The following ECT2 variants were observed in gnomAD, a reference collection of about 807,000 sequenced individuals.
The protein encoded by ECT2 is protein ECT2.
Under a neutral mutation model 116.9 loss-of-function variants are expected in ECT2, and 61 were observed. The observed-to-expected ratio is 0.52, with a 90% CI of 0.42 to 0.65. The LOEUF is 0.65. ECT2 is among the 30% of genes least tolerant of loss of function. ECT2 has a pLI of 0.00. For synonymous variants in ECT2, 358 were observed against 346.4 expected, an observed-to-expected ratio of 1.03 and a Z score of -0.37; for missense variants, 937 against 1,078.7, an observed-to-expected ratio of 0.87 and a Z score of 1.84.
chr3:172,783,438 T>G (rs1293600796), intron 15 of ECT2, among the ~76,000 whole-genome samples: 5 of 152,172 alleles, frequency 3.3e-5, no homozygotes, highest in Non-Finnish European at 5.9e-5. Flanking sequence ...GCGGTTTGGA[T>G]TTTTGAATAA....
chr3:172,760,072 C>T, intron 6 of ECT2, 84 bp from the exon 7 acceptor site: 1 of 729,080 alleles, frequency 1.4e-6, no homozygotes, highest in East Asian at 3.0e-5. Context: ...AAGTATTTAG[C>T]AAATGCTAAA....
rs1384135433 is a variant in ECT2, at chr3:172,815,664, A to G, written c.2461A>G (p.Ser821Gly). 2 of 1,606,026 alleles carry G rather than the reference A, an allele frequency of 1.2e-6. No homozygotes were observed. The highest frequency in any genetic ancestry group is 1.3e-5 in the African/African-American group (1 of 74,570). ...SFEVNTKDMD[S>G]TLSRASRAIK... ...TGAAGTAAATACAAAAGATATGGAC[A>G]GTACATTGAGTAGAGCATCAAGAGC... Residue 821 changes from serine (S) to glycine (G), a missense_variant, in exon 23 of 25, where the codon AGT becomes GGT. Physicochemically the swap from Ser to Gly is moderately conservative, Grantham distance 56. Coordinates refer to ENST00000392692, the MANE Select transcript of ECT2 (RefSeq NM_001258315.2).
At chr3:172,810,259 T>G (rs1348330806) in intron 22 of ECT2, among the ~76,000 whole-genome samples, 1 of 152,168 alleles carries the variant, frequency 6.6e-6, no homozygotes, top group African/African-American at 2.4e-5. Flanking sequence ...TTAGTACTTT[T>G]GCCGCTACCT....
intron 1 of ECT2, 102 bp from the exon 2 acceptor site, chr3:172,754,407 G>T (rs1344330811): frequency 1.2e-6 from 1 of 828,578 alleles, no homozygotes; most frequent in Non-Finnish European, 1.8e-6. Flanking sequence ...AAAAAAATGG[G>T]TAATAATACT....
In ECT2 at chr3:172,766,090, T is replaced by C. The variant is rs149690753; in HGVS notation, c.1291+1590T>C. 3.3e-4 allele frequency among the ~76,000 whole-genome samples: 51 copies of C among 152,360 alleles called. No homozygotes were observed. In the East Asian group the frequency reaches 9.4e-3, roughly 28 times the overall value. ...TAAGAGAAAATGAACCTTGTCTGTC[T>C]TATTCTGTGTTTATCCTCAGACCCT... is the stretch of plus-strand genomic sequence containing the variant. On this transcript the variant is annotated intron_variant, in intron 12 of 24. Coordinates refer to ENST00000392692, the MANE Select transcript of ECT2 (RefSeq NM_001258315.2).
At position 172,788,100 on chromosome 3, in the gene ECT2, A is replaced by ATGC. The variant is rs574924094; in HGVS notation, c.1907+1529_1907+1531dup. 1.8e-3 allele frequency among the ~76,000 whole-genome samples: 269 copies of ATGC among 152,296 alleles called. 5 individuals carry two copies. Among genetic ancestry groups the ATGC allele is most frequent in the African/African-American group, 6.3e-3 (261 of 41,552 alleles). On this transcript the variant is annotated intron_variant, in intron 18 of 24. Transcript: ENST00000392692. Reference sequence around the variant, plus strand: ...CCTGATATTTTAATGTCGAATTGTGATGCTGATTAATAAGCCTTATAGAAT... The same window carrying ATGC: ...CCTGATATTTTAATGTCGAATTGTGATGCTGCTGATTAATAAGCCTTATAGAAT...
rs553117177 is a variant in ECT2, at chr3:172,807,789, C to T, written c.2265C>T (p.Ala755=). 6.6e-5 allele frequency: 107 copies of T among 1,612,886 alleles called. No individual in the cohort carries two copies. Among genetic ancestry groups the T allele is most frequent in the Admixed American group, 2.7e-4 (16 of 59,786 alleles). The part of the protein sequence containing the change: ...RETEDCHNAF[A]LLVRPPTEQA... Reference sequence around the variant, plus strand: ...CCCTAGATTGCCATAATGCTTTTGCCTTGCTTGTGAGGCCACCAACAGAGC... The same window carrying T: ...CCCTAGATTGCCATAATGCTTTTGCTTTGCTTGTGAGGCCACCAACAGAGC... Residue 755 remains alanine (A), a synonymous_variant, in exon 22 of 25, where the codon GCC becomes GCT. Transcript: ENST00000392692.
intron 8 of ECT2, 56 bp downstream of exon 8, chr3:172,761,739 G>A (rs1175451544): frequency 3.1e-6 from 4 of 1,273,080 alleles, no homozygotes; most frequent in African/African-American, 3.0e-5. Flanking sequence ...CTGGTTTAAA[G>A]ATAAATCCAT....
Position 172,757,061 on chromosome 3 carries a change from T to G in ECT2, c.382T>G (p.Phe128Val), listed in dbSNP as rs561466809. The change falls in exon 5 of 25, where the codon TTT (phenylalanine) becomes GTT (valine). Residue 128 changes from phenylalanine to valine, a missense_variant. Transcript: ENST00000392692. ...GLDSPEFENV[F>V]VVTDFQDSVF... ...GGATTCTCCGGAATTTGAAAATGTA[T>G]TTGTAGTCACGGACTTTCAGGATTC... 4 of 1,611,492 alleles carry G rather than the reference T, an allele frequency of 2.5e-6. No homozygotes were observed. Among genetic ancestry groups the G allele is most frequent in the Non-Finnish European group, 3.4e-6 (4 of 1,179,098 alleles).
In ECT2 at chr3:172,821,081, C is replaced by G. The variant is rs1028983794; in HGVS notation, c.*844C>G. 3 of 151,804 alleles carry G rather than the reference C, an allele frequency of 2.0e-5. No homozygotes were observed. The highest frequency in any genetic ancestry group is 7.2e-5 in the African/African-American group (3 of 41,396). 9.4% of individuals were successfully genotyped at this position (151,804 alleles called of 1,614,324 possible). A position where few individuals can be genotyped will look rare whatever the true frequency, so the allele number is the denominator to read the frequency against. ...TGTTTGTACCCTTCATGAAATAATT[C>G]TGAAGTTGCCATCAGTTTTACTAAT... is the stretch of plus-strand genomic sequence containing the variant. On this transcript the variant is annotated 3_prime_UTR_variant, in exon 25 of 25. Coordinates refer to ENST00000392692, the MANE Select transcript of ECT2 (RefSeq NM_001258315.2).
intron 1 of ECT2, among the ~76,000 whole-genome samples, chr3:172,754,251 TG>T (rs964666271): frequency 1.3e-4 from 20 of 152,028 alleles, no homozygotes; most frequent in Admixed American, 1.3e-3. Context: ...TACAGTTGAG[TG>T]TTTGTTGTAT....
chr3:172,800,082 G>A (rs59592631), intron 18 of ECT2, among the ~76,000 whole-genome samples: 9,322 of 152,218 alleles, frequency 0.061, 962 homozygotes, highest in African/African-American at 0.21. Flanking sequence ...CTACCTTCAA[G>A]ATGATTGATT....
At position 172,820,212 on chromosome 3, in the gene ECT2, G is replaced by T. The variant is rs1263409677; in HGVS notation, c.2720G>T (p.Ser907Ile). 1 of 1,609,404 alleles carries T rather than the reference G, an allele frequency of 6.2e-7. No individual in the cohort carries two copies. Among genetic ancestry groups the T allele is most frequent in the Non-Finnish European group, 8.5e-7 (1 of 1,177,300 alleles). Residue 907 changes from serine (S) to isoleucine (I), a missense_variant, in exon 25 of 25, where the codon AGT (serine) becomes ATT (isoleucine). Coordinates refer to ENST00000392692, the MANE Select transcript of ECT2 (RefSeq NM_001258315.2). Reference sequence around the variant, plus strand: ...TTTGAAAGGAGAAGTCATACGTTAAGTAGATCTACAACTCATTTGATATGA... The same window carrying T: ...TTTGAAAGGAGAAGTCATACGTTAATTAGATCTACAACTCATTTGATATGA... ...SFFERRSHTLSRSTTHLI is the reference protein window; with the variant it reads ...SFFERRSHTLIRSTTHLI
intron 12 of ECT2, among the ~76,000 whole-genome samples, chr3:172,768,590 T>C (rs188524546): frequency 7.8e-4 from 119 of 152,334 alleles, no homozygotes; most frequent in Non-Finnish European, 1.3e-3. Flanking sequence ...AACTGTTTTG[T>C]AGACTTCAGA....
At chr3:172,827,824 A>G in the ECT2 span, among the ~76,000 whole-genome samples, 9,438 of 152,252 alleles carry the variant, frequency 0.062, 981 homozygotes, top group African/African-American at 0.22. Flanking sequence ...CCATTTTGGG[A>G]TTGGTGTTTT....
chr3:172,798,808 CTCTT>C (rs1441806060), intron 18 of ECT2, among the ~76,000 whole-genome samples: 3 of 152,130 alleles, frequency 2.0e-5, no homozygotes, highest in Non-Finnish European at 2.9e-5. Context: ...AATCTGCTCT[CTCTT>C]TATAGCAGAA....
chr3:172,753,969 T>C lies in ECT2; in HGVS notation c.-22-540T>C, dbSNP rs139231913. ...GAGTGATTTCTAAGGAAACTGATGGTAAAGTTGTGTGGAGCTGGTTTATTA... is the reference window on the plus strand; with the variant it reads ...GAGTGATTTCTAAGGAAACTGATGGCAAAGTTGTGTGGAGCTGGTTTATTA... On this transcript the variant is annotated intron_variant, in intron 1 of 24. Coordinates refer to ENST00000392692, the MANE Select transcript of ECT2 (RefSeq NM_001258315.2). Among the ~76,000 whole-genome samples, 114 of 152,280 alleles carry C rather than the reference T, an allele frequency of 7.5e-4. 1 individual carries two copies. The highest frequency in any genetic ancestry group is 2.6e-3 in the African/African-American group (108 of 41,560).
chr3:172,806,477 A>G (rs1467983114), intron 21 of ECT2, among the ~76,000 whole-genome samples: 1 of 151,788 alleles, frequency 6.6e-6, no homozygotes, highest in African/African-American at 2.4e-5. Flanking sequence ...TTTAATTGAC[A>G]CCCAGTGGTG....
chr3:172,783,788 TTTC>T lies in ECT2; in HGVS notation c.1618-7_1618-5del. On this transcript the variant is annotated splice_region_variant and splice_polypyrimidine_tract_variant and intron_variant, in intron 15 of 24. Transcript: ENST00000392692. ...CATAATAAATAATGTTTTTTTCCCT[TTTC>T]TTCCTAGTCAAAAGATTTGGTAAAA... The T allele has an allele frequency of 6.5e-7, 1 of 1,534,128 alleles. No individual in the cohort carries two copies. The highest frequency in any genetic ancestry group is 9.0e-7 in the Non-Finnish European group (1 of 1,112,864).
Sources: gnomAD v4.1 joint callset for allele counts (sites outside exome capture counted in the v4.1 genomes callset) on GRCh38, gnomAD v4.1.1 for gene constraint, MANE v1.5 for transcripts, NCBI Gene and HGNC (gene_info 2026-07-23, HGNC 2026-07-21) for gene names.